METTL9: variants seen among roughly 807,000 people sequenced by gnomAD.
METTL9 encodes methyltransferase 9, His-X-His N1(pi)-histidine, also known as protein-L-histidine N-pros-methyltransferase.
In METTL9, 10 loss-of-function variants were observed where a neutral mutation model predicts 36.0. That is an observed-to-expected ratio of 0.28 (90% CI 0.17 to 0.47). METTL9 has a LOEUF of 0.47. METTL9 is among the 20% of genes least tolerant of loss of function. METTL9 has a pLI of 0.99. For synonymous variants in METTL9, 175 were observed against 149.7 expected (o/e 1.17, Z -1.23); for missense variants, 246 against 383.5 (o/e 0.64, Z 3.00).
chr16:21,619,427 CT>C (rs10717867), intron 3 of METTL9, among the ~76,000 whole-genome samples: 141,441 of 145,048 alleles, frequency 0.98, 68,953 homozygotes, highest in East Asian at 1. Context: ...GAAGAAGGGC[CT>C]TTTTTTTTTT....
At chr16:21,651,717 C>G (rs767775796) in intron 4 of METTL9, among the ~76,000 whole-genome samples, 5 of 152,166 alleles carry the variant, frequency 3.3e-5, no homozygotes, top group African/African-American at 1.2e-4. Context: ...CTCCTCCCAC[C>G]TACTCCCTCA....
intron 4 of METTL9, chr16:21,640,628 G>T (rs1432835746): frequency 6.7e-6 from 1 of 149,368 alleles, no homozygotes; most frequent in Non-Finnish European, 1.5e-5. Flanking sequence ...TTAGCCGGGC[G>T]TGGTGGTGCG....
intron 4 of METTL9, among the ~76,000 whole-genome samples, chr16:21,635,767 A>C (rs937815357): frequency 6.6e-6 from 1 of 152,012 alleles, no homozygotes; most frequent in South Asian, 2.1e-4. Flanking sequence ...GAAAGACAAA[A>C]CCGCCTGTGT....
chr16:21,607,574 A>G (rs1294569544), intron 1 of METTL9, among the ~76,000 whole-genome samples: 1 of 152,168 alleles, frequency 6.6e-6, no homozygotes, highest in Non-Finnish European at 1.5e-5. Context: ...CCTGTTCTGT[A>G]CTTGGCATCA....
chr16:21,607,063 C>A (rs1307706634), intron 1 of METTL9, among the ~76,000 whole-genome samples: 1 of 151,750 alleles, frequency 6.6e-6, no homozygotes, highest in Non-Finnish European at 1.5e-5. Context: ...AGGAGGAGTT[C>A]ATGGGCTTAA....
chr16:21,609,396 C>T, intron 1 of METTL9, among the ~76,000 whole-genome samples: 1 of 152,198 alleles, frequency 6.6e-6, no homozygotes, highest in South Asian at 2.1e-4. Context: ...AAGATAGGCA[C>T]TGAACATGCG....
At chr16:21,611,157 A>G (rs1007906795) in intron 1 of METTL9, among the ~76,000 whole-genome samples, 1 of 152,214 alleles carries the variant, frequency 6.6e-6, no homozygotes, top group Admixed American at 6.5e-5. Context: ...AACTGTGATG[A>G]AATGGCAAAT....
chr16:21,636,146 G>A (rs1213044830), intron 4 of METTL9, among the ~76,000 whole-genome samples: 1 of 152,104 alleles, frequency 6.6e-6, no homozygotes, highest in Non-Finnish European at 1.5e-5. Flanking sequence ...GGGAGGGAAG[G>A]GATCTCCAGG....
intron 3 of METTL9, among the ~76,000 whole-genome samples, chr16:21,619,582 G>A (rs950188164): frequency 5.4e-5 from 8 of 148,176 alleles, no homozygotes; most frequent in Admixed American, 2.8e-4. Flanking sequence ...CACTATGCCC[G>A]GCTAATTTTT....
intron 1 of METTL9, among the ~76,000 whole-genome samples, chr16:21,607,498 T>C (rs1484850592): frequency 6.6e-6 from 1 of 152,218 alleles, no homozygotes; most frequent in East Asian, 1.9e-4. Flanking sequence ...CAATTATTAG[T>C]ATCTTTGCAG....
chr16:21,610,613 G>A (rs1011751065), intron 1 of METTL9, among the ~76,000 whole-genome samples: 1 of 152,206 alleles, frequency 6.6e-6, no homozygotes, highest in African/African-American at 2.4e-5. Flanking sequence ...ACGTGTTAAT[G>A]TTGATGAATT....
chr16:21,650,959 C>T (rs544397693), intron 4 of METTL9, among the ~76,000 whole-genome samples: 25 of 152,324 alleles, frequency 1.6e-4, no homozygotes, highest in African/African-American at 5.3e-4. Flanking sequence ...CATGGTGGCT[C>T]ATGCCTGTAA....
intron 4 of METTL9, among the ~76,000 whole-genome samples, chr16:21,637,355 T>TACCCGGCTA (rs1966126926): frequency 6.6e-6 from 1 of 152,180 alleles, no homozygotes; most frequent in African/African-American, 2.4e-5. Flanking sequence ...CCAAGTCTGC[T>TACCCGGCTA]ACCCGGCTAG....
chr16:21,634,092 A>G (rs1047231628), intron 4 of METTL9, among the ~76,000 whole-genome samples: 3 of 152,174 alleles, frequency 2.0e-5, no homozygotes, highest in Non-Finnish European at 2.9e-5. Context: ...AAAGTTTCCA[A>G]TTACAACTGA....
chr16:21,601,730 TGTG>T (rs1965134224), intron 1 of METTL9, among the ~76,000 whole-genome samples: 1 of 20,986 alleles, frequency 4.8e-5, no homozygotes, highest in South Asian at 0.013. Context: ...ATTTATATTC[TGTG>T]TGTGTGTGTG....
intron 1 of METTL9, among the ~76,000 whole-genome samples, chr16:21,610,487 G>A (rs746420098): frequency 1.3e-5 from 2 of 152,170 alleles, no homozygotes; most frequent in African/African-American, 2.4e-5. Context: ...AAGGACATAC[G>A]TTTCACCTTT....
chr16:21,599,423 C>G (rs1965033359), upstream of METTL9: 1 of 1,113,786 alleles, frequency 9.0e-7, no homozygotes, highest in Middle Eastern at 3.8e-4. The surrounding 1 kb of genome is among the most constrained non-coding windows in gnomAD (Gnocchi z 4.4). Context: ...TGTCCCGCCT[C>G]CCAGCGGCCC....
At chr16:21,637,999 AT>A (rs1376113835) in intron 4 of METTL9, among the ~76,000 whole-genome samples, 1 of 152,212 alleles carries the variant, frequency 6.6e-6, no homozygotes, top group Non-Finnish European at 1.5e-5. Flanking sequence ...TTTAATTGTC[AT>A]AGGAAACCCA....
chr16:21,642,677 T>TA (rs1966303422), intron 4 of METTL9, among the ~76,000 whole-genome samples: 2 of 152,284 alleles, frequency 1.3e-5, no homozygotes, highest in Admixed American at 1.3e-4. Context: ...ATTTTTGCCT[T>TA]ATAAGTAACA....
Sources: allele counts gnomAD v4.1 joint callset (sites outside exome capture counted in the v4.1 genomes callset), GRCh38; gene constraint gnomAD v4.1.1; non-coding constraint Gnocchi (gnomAD v3.1); transcripts MANE v1.5; gene names NCBI Gene and HGNC (gene_info 2026-07-23, HGNC 2026-07-21).